Variants in EML6 observed in about 807,000 individuals in gnomAD.
The protein encoded by EML6 is echinoderm microtubule-associated protein-like 6.
EML6 carries 154 observed loss-of-function variants against 240.1 expected under a neutral mutation model. The ratio of observed to expected loss-of-function variants is 0.64; its 90% CI spans 0.56 to 0.73. The LOEUF (loss-of-function observed/expected upper bound fraction) is 0.73, where lower values mean the gene tolerates loss of function less well. Ranked by LOEUF, EML6 falls within the 30% of genes least tolerant of loss-of-function variation. The pLI is 0.00. For missense variants in EML6, 2,964 were observed against 2,474.6 expected (o/e 1.20, Z -4.20); for synonymous variants, 1,148 against 899.0 (o/e 1.28, Z -4.95).
chr2:54,903,943 C>A, intron 24 of EML6, among the ~76,000 whole-genome samples: 1 of 152,212 alleles, frequency 6.6e-6, no homozygotes, highest in East Asian at 1.9e-4. Context: ...TAGAAATCTA[C>A]ATTCAGCCTG....
chr2:54,837,824 G>A (rs889005928), intron 7 of EML6, among the ~76,000 whole-genome samples: 2 of 152,214 alleles, frequency 1.3e-5, no homozygotes, highest in African/African-American at 4.8e-5. Context: ...AGGGGCGCAA[G>A]CATCTGTGTC....
chr2:54,743,201 G>T (rs922077455), intron 2 of EML6, among the ~76,000 whole-genome samples: 2 of 152,190 alleles, frequency 1.3e-5, no homozygotes, highest in African/African-American at 4.8e-5. Flanking sequence ...CAGTCACGTC[G>T]CAGGGTGCAC....
intron 2 of EML6, among the ~76,000 whole-genome samples, chr2:54,789,251 C>A (rs1033530347): frequency 2.0e-5 from 3 of 152,096 alleles, no homozygotes; most frequent in Admixed American, 2.0e-4. Flanking sequence ...CGGTGGCTCA[C>A]GCTTGTAATC....
chr2:54,829,353 T>C lies in EML6; in HGVS notation c.723T>C (p.Phe241=), dbSNP rs1291815214. Residue 241 remains phenylalanine, a synonymous_variant, in exon 7 of 42, where the codon TTT becomes TTC. Coordinates refer to ENST00000356458, the MANE Select transcript of EML6 (RefSeq NM_001039753.4). ...GTTTTAATCAACAGGCTGGAATCTTTAGCATGTATGCTTGTGAAGAAGGCT... is the reference window on the plus strand; with the variant it reads ...GTTTTAATCAACAGGCTGGAATCTTCAGCATGTATGCTTGTGAAGAAGGCT... The part of the protein sequence containing the change: ...TIQGAHSAGI[F]SMYACEEGFA... 4 of 1,551,754 alleles carry C rather than the reference T, an allele frequency of 2.6e-6. No homozygotes were observed. The highest frequency in any genetic ancestry group is 1.2e-5 in the South Asian group (1 of 84,052).
chr2:54,863,397 C>A (rs1015696777), intron 12 of EML6, among the ~76,000 whole-genome samples: 5 of 152,156 alleles, frequency 3.3e-5, no homozygotes, highest in Non-Finnish European at 7.3e-5. Context: ...GTACGCATCT[C>A]TGTAGTCCCA....
Position 54,805,250 on chromosome 2 carries a change from T to G in EML6, c.198-7982T>G, listed in dbSNP as rs183276112. Among the ~76,000 whole-genome samples, 5 of 152,350 alleles carry G rather than the reference T, an allele frequency of 3.3e-5. No individual in the cohort carries two copies. The East Asian group carries it at 9.6e-4, about 29-fold the overall frequency. ...GACCTATTTCCGATTTCTGGCTCTT[T>G]TAAATCTGTGAAGACTTGTATGCAA... is the stretch of plus-strand genomic sequence containing the variant. On this transcript the variant is annotated intron_variant, in intron 2 of 41. Coordinates refer to ENST00000356458, the MANE Select transcript of EML6 (RefSeq NM_001039753.4).
chr2:54,929,108 A>AG (rs1674719318), intron 28 of EML6, among the ~76,000 whole-genome samples: 1 of 152,194 alleles, frequency 6.6e-6, no homozygotes, highest in African/African-American at 2.4e-5. Context: ...GGTAGGAGGG[A>AG]GGACAGGATT....
chr2:54,764,243 T>C (rs1441918994), intron 2 of EML6, among the ~76,000 whole-genome samples: 1 of 152,246 alleles, frequency 6.6e-6, no homozygotes, highest in Non-Finnish European at 1.5e-5. Context: ...TATAATTTCC[T>C]AATACAAAAC....
intron 2 of EML6, among the ~76,000 whole-genome samples, chr2:54,732,761 A>C (rs1306998965): frequency 6.6e-6 from 1 of 152,234 alleles, no homozygotes; most frequent in Non-Finnish European, 1.5e-5. Flanking sequence ...TGAGTGACAT[A>C]TAGATTTTTA....
intron 7 of EML6, among the ~76,000 whole-genome samples, chr2:54,836,737 G>A (rs1472895320): frequency 6.6e-6 from 1 of 152,184 alleles, no homozygotes; most frequent in Non-Finnish European, 1.5e-5. Flanking sequence ...TTGGTTGCAT[G>A]CTTTGCTGTC....
At chr2:54,923,367 G>GCGCACACACACACACACA (rs1200496290) in intron 26 of EML6, among the ~76,000 whole-genome samples, 3 of 144,364 alleles carry the variant, frequency 2.1e-5, no homozygotes, top group African/African-American at 7.7e-5. Flanking sequence ...CTCACCAAAC[G>GCGCACACACACACACACA]CACACACACA....
At chr2:54,779,651 C>T (rs1332866579) in intron 2 of EML6, among the ~76,000 whole-genome samples, 1 of 151,512 alleles carries the variant, frequency 6.6e-6, no homozygotes. Context: ...CGCTTGAGCT[C>T]AGGTGTTCAA....
At position 54,903,461 on chromosome 2, in the gene EML6, G is replaced by T. The variant is rs1483251120; in HGVS notation, c.3368G>T (p.Gly1123Val). The T allele has an allele frequency of 1.3e-6, 2 of 1,551,762 alleles. No homozygotes were observed. The highest frequency in any genetic ancestry group is 4.9e-5 in the East Asian group (2 of 40,898). Reference sequence around the variant, plus strand: ...AGCAAAAGGGTTGGCATCTGTAAAGGTGCTTCTAGTTATATTACACACATT... The same window carrying T: ...AGCAAAAGGGTTGGCATCTGTAAAGTTGCTTCTAGTTATATTACACACATT... Reference protein sequence around the residue: ...LTSKRVGICKGASSYITHIDW... With the variant: ...LTSKRVGICKVASSYITHIDW... The change falls in exon 24 of 42, where the codon GGT (glycine) becomes GTT (valine). Residue 1123 changes from glycine to valine, a missense_variant. Physicochemically the swap from Gly to Val is moderately radical, Grantham distance 109. Transcript: ENST00000356458.
chr2:54,885,833 G>C (rs186113977), intron 17 of EML6, among the ~76,000 whole-genome samples: 25 of 151,828 alleles, frequency 1.6e-4, no homozygotes, highest in African/African-American at 5.3e-4. Context: ...GGATGGTCTC[G>C]ATCTCCTGAC....
chr2:54,796,124 T>C (rs1298730625), intron 2 of EML6, among the ~76,000 whole-genome samples: 1 of 152,180 alleles, frequency 6.6e-6, no homozygotes, highest in African/African-American at 2.4e-5. Context: ...AAGGCAAGTA[T>C]GATACAAAAT....
chr2:54,852,701 T>G (rs1479750285), intron 10 of EML6, among the ~76,000 whole-genome samples: 1 of 152,244 alleles, frequency 6.6e-6, no homozygotes, highest in African/African-American at 2.4e-5. Flanking sequence ...TGTTACAGTC[T>G]AGAATTTTAA....
chr2:54,941,220 A>G (rs544681386), intron 28 of EML6, among the ~76,000 whole-genome samples: 65 of 152,300 alleles, frequency 4.3e-4, no homozygotes, highest in African/African-American at 1.5e-3. Flanking sequence ...TATCATTAGC[A>G]TATCTTTCAC....
At chr2:54,966,141 A>T (rs1676738669) in intron 38 of EML6, among the ~76,000 whole-genome samples, 1 of 152,250 alleles carries the variant, frequency 6.6e-6, no homozygotes, top group Admixed American at 6.5e-5. Context: ...AGACAATCAC[A>T]AAATATAAAT....
chr2:54,934,020 A>AG (rs1304046873), intron 28 of EML6, among the ~76,000 whole-genome samples: 1 of 152,194 alleles, frequency 6.6e-6, no homozygotes, highest in African/African-American at 2.4e-5. Flanking sequence ...GAATGAGACA[A>AG]CACGCAGTGA....
Sources: gnomAD v4.1 joint callset for allele counts (sites outside exome capture counted in the v4.1 genomes callset) on GRCh38, gnomAD v4.1.1 for gene constraint, MANE v1.5 for transcripts, NCBI Gene and HGNC (gene_info 2026-07-23, HGNC 2026-07-21) for gene names.